ADGRL2: variants seen among roughly 807,000 people sequenced by gnomAD.
ADGRL2 encodes the protein calcium-independent alpha-latrotoxin receptor 2.
A neutral mutation model predicts 157.4 loss-of-function variants in ADGRL2; 44 were observed. The observed-to-expected ratio is 0.28, with a 90% CI of 0.22 to 0.36. ADGRL2 has a LOEUF of 0.36. Among genes scored for constraint, ADGRL2 ranks in the 10% least tolerant of loss-of-function variants. The pLI is 1.00. For synonymous variants in ADGRL2, 585 were observed against 624.7 expected (o/e 0.94, Z 0.95); for missense variants, 1,510 against 1,768.9 (o/e 0.85, Z 2.63).
chr1:81,880,438 A>T (rs767149164), intron 2 of ADGRL2, among the ~76,000 whole-genome samples: 1 of 152,184 alleles, frequency 6.6e-6, no homozygotes, highest in Non-Finnish European at 1.5e-5. Context: ...CCTTAGCTTA[A>T]CAAGGTTCAG....
At chr1:81,961,150 T>C (rs17470978) in intron 11 of ADGRL2, among the ~76,000 whole-genome samples, 12,253 of 152,240 alleles carry the variant, frequency 0.08, 577 homozygotes, top group African/African-American at 0.14. Flanking sequence ...TCTGAATGGC[T>C]CTCCAGTGAA....
intron 2 of ADGRL2, among the ~76,000 whole-genome samples, chr1:81,890,733 G>T (rs200634120): frequency 7.8e-4 from 6 of 7,736 alleles, no homozygotes; most frequent in East Asian, 0.056. Context: ...AGAGATACAC[G>T]GCAGTCTTTG....
intron 3 of ADGRL2, among the ~76,000 whole-genome samples, chr1:81,654,231 C>A (rs2082482550): frequency 6.6e-6 from 1 of 152,220 alleles, no homozygotes; most frequent in African/African-American, 2.4e-5. Flanking sequence ...CAGGCGTGAG[C>A]CACCACACCC....
At chr1:81,385,525 G>A (rs1382833788) in intron 1 of ADGRL2, among the ~76,000 whole-genome samples, 4 of 151,850 alleles carry the variant, frequency 2.6e-5, no homozygotes, top group Non-Finnish European at 4.4e-5. Context: ...AAACCTGAGG[G>A]TAACTTAGGT....
intron 1 of ADGRL2, among the ~76,000 whole-genome samples, chr1:81,391,646 C>G (rs1269032494): frequency 1.1e-5 from 1 of 90,330 alleles, no homozygotes; most frequent in Non-Finnish European, 2.3e-5. Context: ...AGAGGTTTAT[C>G]CTTGCAAATG....
intron 1 of ADGRL2, among the ~76,000 whole-genome samples, chr1:81,310,585 A>G (rs1323072343): frequency 6.6e-6 from 1 of 152,214 alleles, no homozygotes; most frequent in East Asian, 1.9e-4. Flanking sequence ...TTGAAGTATC[A>G]GGCAGATGGA....
intron 1 of ADGRL2, chr1:81,427,564 T>C: frequency 1.3e-6 from 1 of 742,650 alleles, no homozygotes; most frequent in Non-Finnish European, 2.5e-6. Context: ...ATGATGGTGG[T>C]TATGGATCTG....
intron 3 of ADGRL2, among the ~76,000 whole-genome samples, chr1:81,624,451 C>T (rs561190567): frequency 1.4e-4 from 22 of 152,020 alleles, no homozygotes; most frequent in African/African-American, 3.9e-4. Context: ...CGTGGTGGCC[C>T]GCGCCTGTAA....
In ADGRL2 at chr1:81,943,581, A is replaced by G. The variant is rs150461118; in HGVS notation, c.1022A>G (p.Lys341Arg). ...VYQDNESETG[K>R]NSIDYIYNTR... ...CAAGACAATGAAAGTGAAACAGGCA[A>G]GAACTCAATTGATTACATTTATAAT... Residue 341 changes from lysine to arginine, a missense_variant, in exon 6 of 24, where the codon AAG becomes AGG. Physicochemically the swap from Lys to Arg is conservative, Grantham distance 26 (BLOSUM62 2). Around this residue, in one of 4 missense-constraint regions of ADGRL2, gnomAD observed 361 missense variants for 498.4 expected, o/e 0.72. Transcript: ENST00000686636. The surrounding 1 kb of genome is among the most constrained non-coding windows in gnomAD (Gnocchi z 5.6). The G allele has an allele frequency of 6.2e-7, 1 of 1,613,792 alleles. No individual in the cohort carries two copies. Among genetic ancestry groups the G allele is most frequent in the Non-Finnish European group, 8.5e-7 (1 of 1,179,742 alleles).
chr1:81,465,271 C>A (rs1283376427), intron 2 of ADGRL2, among the ~76,000 whole-genome samples: 1 of 151,920 alleles, frequency 6.6e-6, no homozygotes, highest in African/African-American at 2.4e-5. Context: ...AAGTTCTGAT[C>A]TTTTTACATT....
chr1:81,808,200 G>A (rs696727), intron 1 of ADGRL2, among the ~76,000 whole-genome samples: 133,061 of 151,964 alleles, frequency 0.88, 58,396 homozygotes, highest in East Asian at 0.97. Flanking sequence ...TTTATGCATT[G>A]TCTGGTAGTA....
intron 2 of ADGRL2, among the ~76,000 whole-genome samples, chr1:81,543,129 T>C (rs2079927673): frequency 1.3e-5 from 2 of 152,142 alleles, no homozygotes; most frequent in African/African-American, 4.8e-5. Context: ...AATGTGACTA[T>C]AGGACCCTGG....
At chr1:81,431,465 C>G (rs550535285) in intron 1 of ADGRL2, among the ~76,000 whole-genome samples, 1 of 152,256 alleles carries the variant, frequency 6.6e-6, no homozygotes, top group East Asian at 1.9e-4. Context: ...CCTAGAGAAT[C>G]TTCTGGTCCC....
At chr1:81,331,888 G>A (rs909832347) in intron 1 of ADGRL2, among the ~76,000 whole-genome samples, 2 of 152,038 alleles carry the variant, frequency 1.3e-5, no homozygotes, top group African/African-American at 4.8e-5. Context: ...ACATCAGATT[G>A]GAATATAACT....
At chr1:81,965,172 G>A (rs1656678810) in intron 11 of ADGRL2, among the ~76,000 whole-genome samples, 1 of 152,080 alleles carries the variant, frequency 6.6e-6, no homozygotes, top group South Asian at 2.1e-4. Flanking sequence ...TTGAAATTTG[G>A]TTTAGATTGC....
chr1:81,505,229 C>T, intron 2 of ADGRL2: 1 of 533,552 alleles, frequency 1.9e-6, no homozygotes, highest in South Asian at 1.5e-5. Context: ...CACACACACA[C>T]CATCTCCCGA....
intron 1 of ADGRL2, among the ~76,000 whole-genome samples, chr1:81,354,985 C>T (rs1451447793): frequency 6.6e-6 from 1 of 152,170 alleles, no homozygotes; most frequent in African/African-American, 2.4e-5. Flanking sequence ...AGAAAAGCAA[C>T]TGTATAGGAA....
At chr1:81,337,318 C>A (rs1168667271) in intron 1 of ADGRL2, among the ~76,000 whole-genome samples, 1 of 150,534 alleles carries the variant, frequency 6.6e-6, no homozygotes, top group Non-Finnish European at 1.5e-5. Context: ...GGAACACACA[C>A]CCTCTGGGGC....
chr1:81,973,764 A>G (rs1659425878), intron 17 of ADGRL2, among the ~76,000 whole-genome samples: 1 of 152,206 alleles, frequency 6.6e-6, no homozygotes. Context: ...CACAAACCCC[A>G]GTAGGTAGCA....
Sources: gnomAD v4.1 joint callset for allele counts (sites outside exome capture counted in the v4.1 genomes callset) on GRCh38, gnomAD v4.1.1 for gene constraint, gnomAD v4.1.1 regional missense constraint, Gnocchi (gnomAD v3.1) non-coding constraint, MANE v1.5 for transcripts, NCBI Gene and HGNC (gene_info 2026-07-23, HGNC 2026-07-21) for gene names.